Variants in ANKS1B observed in about 807,000 individuals in gnomAD.
ANKS1B encodes the protein ankyrin repeat and sterile alpha motif domain containing 1B.
Under a neutral mutation model 148.3 loss-of-function variants are expected in ANKS1B, and 36 were observed. The observed-to-expected ratio is 0.24, with a 90% CI of 0.19 to 0.32. The LOEUF is 0.32. ANKS1B is among the 10% of genes least tolerant of loss of function. ANKS1B has a pLI of 1.00. For synonymous variants in ANKS1B, 542 were observed against 560.8 expected (o/e 0.97, Z 0.47); for missense variants, 1,157 against 1,542.6 (o/e 0.75, Z 4.19).
At chr12:99,022,114 C>T (rs1022495855) in intron 17 of ANKS1B, among the ~76,000 whole-genome samples, 1 of 152,190 alleles carries the variant, frequency 6.6e-6, no homozygotes, top group Non-Finnish European at 1.5e-5. Flanking sequence ...TTCTCTTCTT[C>T]CCAGGCACAC....
At chr12:99,307,764 A>T (rs1359233969) in intron 12 of ANKS1B, among the ~76,000 whole-genome samples, 2 of 151,876 alleles carry the variant, frequency 1.3e-5, no homozygotes, top group South Asian at 4.2e-4. Context: ...GAGCTCAAAA[A>T]CCAGCAATTT....
chr12:98,875,560 T>C (rs1218780100), intron 17 of ANKS1B, among the ~76,000 whole-genome samples: 1 of 152,162 alleles, frequency 6.6e-6, no homozygotes, highest in Non-Finnish European at 1.5e-5. Flanking sequence ...GCAGATGCCA[T>C]ATTTTGAAGG....
chr12:99,298,052 T>C (rs896242661), intron 12 of ANKS1B, among the ~76,000 whole-genome samples: 1 of 152,190 alleles, frequency 6.6e-6, no homozygotes, highest in Non-Finnish European at 1.5e-5. Context: ...CTGGCTCTTC[T>C]AGTCAAACTT....
chr12:98,761,142 A>G (rs931858005), intron 25 of ANKS1B, among the ~76,000 whole-genome samples: 3 of 152,234 alleles, frequency 2.0e-5, no homozygotes, highest in Non-Finnish European at 4.4e-5. Context: ...TCAAGTGCAG[A>G]TCTGACTTCA....
chr12:99,696,264 T>C (rs555796715), intron 8 of ANKS1B, among the ~76,000 whole-genome samples: 1 of 152,280 alleles, frequency 6.6e-6, no homozygotes, highest in African/African-American at 2.4e-5. Context: ...TGTAGAGTCA[T>C]TTTATGGAGT....
At chr12:98,754,050 A>G (rs917379751) in intron 25 of ANKS1B, among the ~76,000 whole-genome samples, 3 of 152,182 alleles carry the variant, frequency 2.0e-5, no homozygotes, top group Non-Finnish European at 4.4e-5. Flanking sequence ...CTCAGAACCA[A>G]GTGGGGAAAA....
chr12:99,154,652 A>G, intron 14 of ANKS1B: 1 of 1,441,312 alleles, frequency 6.9e-7, no homozygotes, highest in Admixed American at 2.8e-5. Context: ...TTTACTACCG[A>G]CCAGTACGTC....
chr12:99,372,983 T>C (rs1339455802), intron 12 of ANKS1B, among the ~76,000 whole-genome samples: 1 of 152,066 alleles, frequency 6.6e-6, no homozygotes, highest in African/African-American at 2.4e-5. Context: ...ACAGCAAGGG[T>C]CTATATTAAA....
chr12:99,160,853 T>C (rs2076588737), intron 14 of ANKS1B, among the ~76,000 whole-genome samples: 1 of 152,206 alleles, frequency 6.6e-6, no homozygotes, highest in Non-Finnish European at 1.5e-5. Flanking sequence ...GCTGTAGGTG[T>C]GCGGCTTTAT....
chr12:99,578,406 G>A (rs376295615), intron 9 of ANKS1B, among the ~76,000 whole-genome samples: 4 of 152,256 alleles, frequency 2.6e-5, no homozygotes, highest in African/African-American at 9.6e-5. Flanking sequence ...TAAAAGGAGA[G>A]GAAGTCAAAC....
intron 17 of ANKS1B, among the ~76,000 whole-genome samples, chr12:98,864,245 T>C (rs2099613667): frequency 6.6e-6 from 1 of 152,206 alleles, no homozygotes; most frequent in Non-Finnish European, 1.5e-5. Context: ...CAATCAAGTT[T>C]AGAATATCCA....
chr12:99,404,397 T>TA (rs1186849878), intron 11 of ANKS1B, among the ~76,000 whole-genome samples: 2 of 145,652 alleles, frequency 1.4e-5, no homozygotes, highest in African/African-American at 5.2e-5. Flanking sequence ...AAATTCAAGA[T>TA]AACGCAGATG....
intron 17 of ANKS1B, among the ~76,000 whole-genome samples, chr12:98,880,860 G>A (rs1454109817): frequency 2.6e-5 from 4 of 152,068 alleles, no homozygotes; most frequent in African/African-American, 9.7e-5. Flanking sequence ...TATAAATACA[G>A]TTGCTCCCCA....
chr12:99,474,572 GAAAT>G (rs1467135577), intron 10 of ANKS1B, among the ~76,000 whole-genome samples: 5 of 150,940 alleles, frequency 3.3e-5, no homozygotes, highest in African/African-American at 9.7e-5. Context: ...AATAAAGCTG[GAAAT>G]AAATAGAAAA....
chr12:99,407,502 G>A (rs2152646429), intron 11 of ANKS1B, among the ~76,000 whole-genome samples: 1 of 145,516 alleles, frequency 6.9e-6, no homozygotes, highest in East Asian at 1.9e-4. Flanking sequence ...CCGTCATACT[G>A]GAAGTCCTGG....
intron 3 of ANKS1B, among the ~76,000 whole-genome samples, chr12:99,809,739 T>C (rs962726894): frequency 6.6e-6 from 1 of 152,100 alleles, no homozygotes; most frequent in African/African-American, 2.4e-5. Flanking sequence ...AAATGTAGAA[T>C]AGAATTATTT....
intron 9 of ANKS1B, among the ~76,000 whole-genome samples, chr12:99,538,933 G>A (rs1460565799): frequency 6.6e-6 from 1 of 151,904 alleles, no homozygotes; most frequent in Non-Finnish European, 1.5e-5. Flanking sequence ...AGTTTTTGAG[G>A]GTATTTTATC....
chr12:98,893,176 T>C (rs1008454388), intron 17 of ANKS1B, among the ~76,000 whole-genome samples: 2 of 152,086 alleles, frequency 1.3e-5, no homozygotes, highest in African/African-American at 2.4e-5. Context: ...CTTTCTTCTC[T>C]ATCTGAGTCC....
intron 9 of ANKS1B, among the ~76,000 whole-genome samples, chr12:99,585,408 C>T (rs1005765356): frequency 2.0e-4 from 31 of 152,330 alleles, no homozygotes; most frequent in Non-Finnish European, 4.1e-4. Flanking sequence ...TACAGCCCCC[C>T]TCCCGGCTAC....
Sources: allele counts gnomAD v4.1 joint callset (sites outside exome capture counted in the v4.1 genomes callset), GRCh38; gene constraint gnomAD v4.1.1; transcripts MANE v1.5; gene names NCBI Gene and HGNC (gene_info 2026-07-23, HGNC 2026-07-21).